Variants in RPAP1 observed in about 807,000 individuals in gnomAD.
The protein encoded by RPAP1 is RNA polymerase II associated protein 1.
RPAP1 carries 109 observed loss-of-function variants against 142.4 expected under a neutral mutation model. That is an observed-to-expected ratio of 0.77 (90% CI 0.66 to 0.90). The LOEUF (loss-of-function observed/expected upper bound fraction) is 0.90. RPAP1 is among the 40% of genes least tolerant of loss of function. The probability of loss-of-function intolerance (pLI) is 0.00; values close to 1 mark genes in which losing one functional copy is unlikely to be tolerated. For synonymous variants in RPAP1, 704 were observed against 738.9 expected (o/e 0.95, Z 0.77); for missense variants, 1,546 against 1,751.7 (o/e 0.88, Z 2.10).
At chr15:41,534,995 T>G in intron 5 of RPAP1, 60 bp from the exon 6 acceptor site, 2 of 1,528,164 alleles carry the variant, frequency 1.3e-6, no homozygotes, top group South Asian at 2.3e-5. Flanking sequence ...ACTGGGCTTT[T>G]TGGCCTTCTT....
intron 11 of RPAP1, 22 bp downstream of exon 11, chr15:41,527,838 C>A (rs1207721525): frequency 1.2e-6 from 2 of 1,613,722 alleles, no homozygotes; most frequent in South Asian, 2.2e-5. Flanking sequence ...CAGCCCAAGC[C>A]CCATTCCTAT....
intron 1 of RPAP1, chr15:41,543,905 G>A (rs2051994674): frequency 6.6e-6 from 1 of 152,174 alleles, no homozygotes; most frequent in African/African-American, 2.4e-5. Flanking sequence ...AGTCTCTGGG[G>A]CTCTTACATT....
intron 18 of RPAP1, 32 bp downstream of exon 18, chr15:41,523,213 T>C (rs1239456579): frequency 7.0e-7 from 1 of 1,429,234 alleles, no homozygotes; most frequent in South Asian, 1.3e-5. Context: ...CCTCCTCCCC[T>C]GCTTCCCCCA....
chr15:41,534,991 C>T (rs897214734), intron 5 of RPAP1, 56 bp from the exon 6 acceptor site: 14 of 1,536,056 alleles, frequency 9.1e-6, no homozygotes, highest in Non-Finnish European at 1.2e-5. Context: ...TCTAACTGGG[C>T]TTTTTGGCCT....
chr15:41,536,422 T>C (rs1436760127), intron 3 of RPAP1, 79 bp downstream of exon 3: 1 of 1,563,530 alleles, frequency 6.4e-7, no homozygotes, highest in Non-Finnish European at 8.7e-7. Flanking sequence ...CCTCCACTGA[T>C]AAGCCTCACC....
rs970614783 is a variant in RPAP1, at chr15:41,520,165, C to T, written c.3795+226G>A. On this transcript the variant is annotated intron_variant, in intron 22 of 24. Transcript: ENST00000304330. ...CCCAGGCTGGTCTCAAACTCCTGAC[C>T]TTAAGTGATCCACCCACCTCAGCTT... is the stretch of plus-strand genomic sequence containing the variant. The T allele has an allele frequency of 1.8e-5, 10 of 564,334 alleles. No individual in the cohort carries two copies. In the Admixed American group the frequency reaches 3.1e-4, roughly 18 times the overall value. The allele number at this position is 564,334 out of a possible 1,614,324, so 35.0% of individuals were successfully genotyped here. A position where few individuals can be genotyped will look rare whatever the true frequency, so the allele number is the denominator to read the frequency against.
intron 9 of RPAP1, among the ~76,000 whole-genome samples, chr15:41,528,657 G>A (rs1176872202): frequency 1.3e-5 from 2 of 152,176 alleles, no homozygotes; most frequent in Non-Finnish European, 2.9e-5. Context: ...GGCATTTCCT[G>A]GAGCGAGTGG....
Position 41,522,894 on chromosome 15 carries a change from C to T in RPAP1, c.2613G>A (p.Val871=), listed in dbSNP as rs372263354. 3.2e-6 allele frequency: 5 copies of T among 1,574,912 alleles called. No homozygotes were observed. The highest frequency in any genetic ancestry group is 4.3e-6 in the Non-Finnish European group (5 of 1,168,290). The change falls in exon 19 of 25, where the codon GTG becomes GTA. Residue 871 remains valine, a synonymous_variant. Coordinates refer to ENST00000304330, the MANE Select transcript of RPAP1 (RefSeq NM_015540.4). ...GGCAGCCTCCCGAGCAGCCCAGTGA[C>T]ACGAGGCTGGGGGGAGCTTCAAGGG... ...VPALEAPPSL[V]SLGCSGGCPR...
intron 9 of RPAP1, among the ~76,000 whole-genome samples, chr15:41,528,591 A>G (rs1298194163): frequency 6.6e-6 from 1 of 152,184 alleles, no homozygotes; most frequent in African/African-American, 2.4e-5. Flanking sequence ...GGAAAATTAA[A>G]TTGGTCTCAG....
In RPAP1 at chr15:41,531,165, G is replaced by A; in HGVS notation, c.801C>T (p.His267=). The A allele has an allele frequency of 6.2e-7, 1 of 1,613,568 alleles. No homozygotes were observed. The change falls in exon 7 of 25, where the codon CAC becomes CAT. Residue 267 remains histidine (H), a synonymous_variant. Transcript: ENST00000304330. Reference sequence around the variant, plus strand: ...CTGTCTCTCCTGTTTGCTCTTGCGTGTGGCTGTGAGATCTCAAGAAAGCAA... The same window carrying A: ...CTGTCTCTCCTGTTTGCTCTTGCGTATGGCTGTGAGATCTCAAGAAAGCAA... ...SLVAFLRSHS[H]TQEQTGETAS...
rs746821598 is a variant in RPAP1 at position 41,517,733 on chromosome 15, C to T, written c.4033-42G>A. ...AAACTTATGAAGTGGGTAATGAGAT[C>T]CTGTTGTGGTCTCTGTCCCCCAAGA... On this transcript the variant is annotated intron_variant, in intron 24 of 24. Transcript: ENST00000304330. 3 of 1,613,980 alleles carry T rather than the reference C, an allele frequency of 1.9e-6. No individual in the cohort carries two copies. The South Asian group carries it at 3.3e-5, about 18-fold the overall frequency.
At chr15:41,537,225 C>G (rs896061258) in intron 1 of RPAP1, 24 bp from the exon 2 acceptor site, 2 of 1,151,668 alleles carry the variant, frequency 1.7e-6, no homozygotes, top group Non-Finnish European at 2.5e-6. Flanking sequence ...AGAATATGGG[C>G]CCTCTGCAAC....
chr15:41,528,347 G>A lies in RPAP1; in HGVS notation c.1159-11C>T. On this transcript the variant is annotated splice_polypyrimidine_tract_variant and intron_variant, in intron 9 of 24. Transcript: ENST00000304330. The stretch of plus-strand genomic sequence containing the variant: ...GGAATACCCCGCTCTCTGGGGCAGG[G>A]ACAAGAAGTCAGAAGCAGCCAGGAT... The A allele has an allele frequency of 6.4e-7, 1 of 1,569,922 alleles. No individual in the cohort carries two copies. The highest frequency in any genetic ancestry group is 8.7e-7 in the Non-Finnish European group (1 of 1,154,826).
At position 41,517,429 on chromosome 15, in the gene RPAP1, G is replaced by T; in HGVS notation, c.*113C>A. On this transcript the variant is annotated 3_prime_UTR_variant, in exon 25 of 25. Transcript: ENST00000304330. ...CTGCTCCCAGGAAGGCAAGCCTTCT[G>T]CTCCTTGGTCTCCTGCCTACCATTA... 1 of 1,033,630 alleles carries T rather than the reference G, an allele frequency of 9.7e-7. No homozygotes were observed. The highest frequency in any genetic ancestry group is 1.4e-6 in the Non-Finnish European group (1 of 714,586). The allele number at this position is 1,033,630 out of a possible 1,614,324, so 64.0% of individuals were successfully genotyped here.
At chr15:41,523,089 C>T (rs1365584232) in intron 18 of RPAP1, 129 bp from the exon 19 acceptor site, 2 of 937,142 alleles carry the variant, frequency 2.1e-6, no homozygotes, top group African/African-American at 3.4e-5. Context: ...TCACACTCCT[C>T]AGAGCCCACC....
In RPAP1 at chr15:41,536,657, A is replaced by G. The variant is rs1002407270; in HGVS notation, c.182-8T>C. 4.3e-6 allele frequency: 7 copies of G among 1,613,120 alleles called. No individual in the cohort carries two copies. Among genetic ancestry groups the G allele is most frequent in the Non-Finnish European group, 5.9e-6 (7 of 1,179,938 alleles). On this transcript the variant is annotated splice_polypyrimidine_tract_variant and splice_region_variant and intron_variant, in intron 2 of 24. Coordinates refer to ENST00000304330, the MANE Select transcript of RPAP1 (RefSeq NM_015540.4). ...GGGGCAAATCTGGGAGATCTGAGAA[A>G]GAAAAGATCCCAAACGTGAGTATAT...
intron 22 of RPAP1, among the ~76,000 whole-genome samples, chr15:41,519,361 C>T (rs964130425): frequency 2.6e-5 from 4 of 151,986 alleles, no homozygotes; most frequent in Non-Finnish European, 4.4e-5. Context: ...GCATGCACCA[C>T]GACACCCGGC....
At position 41,521,837 on chromosome 15, in the gene RPAP1, T is replaced by C; in HGVS notation, c.2939A>G (p.His980Arg). Reference sequence around the variant, plus strand: ...GCTCAGCAGGGCCAAGGCCATACCATGATAGAGGGCAGCATGGGTGGCTGG... The same window carrying C: ...GCTCAGCAGGGCCAAGGCCATACCACGATAGAGGGCAGCATGGGTGGCTGG... Reference protein sequence around the residue: ...PLPATHAALYHGMALALLSRL... With the variant: ...PLPATHAALYRGMALALLSRL... The change falls in exon 21 of 25, where the codon CAT becomes CGT. Residue 980 changes from histidine to arginine, a missense_variant. By Grantham distance (29) the His-to-Arg change is conservative. This residue lies in a region of RPAP1 where 1,333 missense variants were observed against 1,486.6 expected (regional missense o/e 0.90). Coordinates refer to ENST00000304330, the MANE Select transcript of RPAP1 (RefSeq NM_015540.4). 1 of 1,613,990 alleles carries C rather than the reference T, an allele frequency of 6.2e-7. No homozygotes were observed. The highest frequency in any genetic ancestry group is 8.5e-7 in the Non-Finnish European group (1 of 1,180,000).
At position 41,523,757 on chromosome 15, in the gene RPAP1, C is replaced by A; in HGVS notation, c.2436+14G>T. On this transcript the variant is annotated intron_variant, in intron 17 of 24. Coordinates refer to ENST00000304330, the MANE Select transcript of RPAP1 (RefSeq NM_015540.4). ...GTGCGGGGGCCTGGTGGACAGCCGG[C>A]AGGAGGCACTCACTTGCTGGCTCCA... The A allele has an allele frequency of 5.7e-6, 9 of 1,580,914 alleles. 1 individual carries two copies. Among genetic ancestry groups the A allele is most frequent in the Non-Finnish European group, 7.7e-6 (9 of 1,164,508 alleles).
Sources: allele counts gnomAD v4.1 joint callset (sites outside exome capture counted in the v4.1 genomes callset), GRCh38; gene constraint gnomAD v4.1.1; regional missense constraint gnomAD v4.1.1; transcripts MANE v1.5; gene names NCBI Gene and HGNC (gene_info 2026-07-23, HGNC 2026-07-21).